ZFPM2: variants seen among roughly 807,000 people sequenced by gnomAD.
ZFPM2 encodes zinc finger protein ZFPM2.
ZFPM2 carries 20 observed loss-of-function variants against 98.6 expected under a neutral mutation model. That is an observed-to-expected ratio of 0.20 (90% CI 0.14 to 0.29). The LOEUF is 0.29. Ranked by LOEUF, ZFPM2 falls within the 10% of genes least tolerant of loss-of-function variation. ZFPM2 has a pLI of 1.00. For synonymous variants in ZFPM2, 518 were observed against 502.7 expected, an observed-to-expected ratio of 1.03 and a Z score of -0.41; for missense variants, 1,310 against 1,388.6, an observed-to-expected ratio of 0.94 and a Z score of 0.90.
intron 1 of ZFPM2, among the ~76,000 whole-genome samples, chr8:105,326,061 G>A (rs547098061): frequency 9.2e-5 from 14 of 151,630 alleles, no homozygotes; most frequent in South Asian, 2.1e-4. Context: ...CTATGTCTAC[G>A]GTGAGAGAGT....
chr8:105,764,600 G>A (rs1812816875), intron 5 of ZFPM2, among the ~76,000 whole-genome samples: 1 of 151,740 alleles, frequency 6.6e-6, no homozygotes, highest in African/African-American at 2.4e-5. Context: ...ATTCAAGAAT[G>A]TGAAAGGAGT....
chr8:105,793,385 C>A (rs2131151101), intron 6 of ZFPM2, among the ~76,000 whole-genome samples: 1 of 152,260 alleles, frequency 6.6e-6, no homozygotes, highest in South Asian at 2.1e-4. Context: ...GTTGAAAATT[C>A]TTTTCTTTAA....
At chr8:105,539,797 A>G (rs938216182) in intron 3 of ZFPM2, among the ~76,000 whole-genome samples, 3 of 152,196 alleles carry the variant, frequency 2.0e-5, no homozygotes, top group African/African-American at 7.2e-5. Flanking sequence ...CGTTTCACAA[A>G]TGTTAAATCC....
intron 5 of ZFPM2, among the ~76,000 whole-genome samples, chr8:105,709,661 T>C (rs1363272548): frequency 1.3e-5 from 2 of 152,180 alleles, no homozygotes; most frequent in Non-Finnish European, 2.9e-5. Flanking sequence ...GTCAGTGATA[T>C]TATCTTTGTA....
chr8:105,575,215 A>G (rs959520298), intron 4 of ZFPM2, among the ~76,000 whole-genome samples: 1 of 152,154 alleles, frequency 6.6e-6, no homozygotes, highest in African/African-American at 2.4e-5. Flanking sequence ...TTCATTAATC[A>G]AGTGGAGGCA....
Position 105,803,444 on chromosome 8 carries a change from G to T in ZFPM2, c.3362G>T (p.Cys1121Phe). The change falls in exon 8 of 8, where the codon TGC becomes TTC. Residue 1121 changes from cysteine (C) to phenylalanine (F), a missense_variant. Transcript: ENST00000407775. ...CAGGCTCCAACCAGTGGGAAATATT[G>T]CCGGCTATGTGATATCCAGTTCAAC... is the stretch of plus-strand genomic sequence containing the variant. Reference protein sequence around the residue: ...SSQAPTSGKYCRLCDIQFNNL... With the variant: ...SSQAPTSGKYFRLCDIQFNNL... 1 of 1,613,770 alleles carries T rather than the reference G, an allele frequency of 6.2e-7. No homozygotes were observed. Among genetic ancestry groups the T allele is most frequent in the Non-Finnish European group, 8.5e-7 (1 of 1,179,778 alleles).
At chr8:105,471,155 G>A (rs1026628688) in intron 3 of ZFPM2, among the ~76,000 whole-genome samples, 16 of 152,040 alleles carry the variant, frequency 1.1e-4, no homozygotes, top group Admixed American at 1.0e-3. Context: ...CTCTTGTTTG[G>A]CTGTTTCCAT....
intron 4 of ZFPM2, among the ~76,000 whole-genome samples, chr8:105,571,361 A>C (rs1303711630): frequency 6.6e-6 from 1 of 152,222 alleles, no homozygotes; most frequent in Admixed American, 6.5e-5. Flanking sequence ...CTAGTGAGGA[A>C]GTGGTTTGTA....
chr8:105,441,482 G>GAAAGAAAGAAAGAAAGAAAGAAAA (rs57419492), intron 2 of ZFPM2, among the ~76,000 whole-genome samples: 6,933 of 85,412 alleles, frequency 0.081, 1,105 homozygotes, highest in African/African-American at 0.096. Context: ...AAGAAAGAAA[G>GAAAGAAAGAAAGAAAGAAAGAAAA]AAAGAAAGAA....
intron 5 of ZFPM2, among the ~76,000 whole-genome samples, chr8:105,722,348 C>T (rs557573120): frequency 4.6e-5 from 7 of 151,826 alleles, no homozygotes; most frequent in East Asian, 3.9e-4. Flanking sequence ...ATTTATTTTT[C>T]GATTATTCCA....
intron 3 of ZFPM2, among the ~76,000 whole-genome samples, chr8:105,446,418 GGAGT>G (rs1245335086): frequency 6.6e-6 from 1 of 151,976 alleles, no homozygotes; most frequent in Non-Finnish European, 1.5e-5. Flanking sequence ...CAGTGACTTG[GGAGT>G]AAGTAAGCAA....
At chr8:105,488,077 C>T (rs1198744587) in intron 3 of ZFPM2, among the ~76,000 whole-genome samples, 3 of 152,002 alleles carry the variant, frequency 2.0e-5, no homozygotes, top group African/African-American at 7.2e-5. Context: ...GATCCCCCAC[C>T]ACAACAGTAC....
chr8:105,633,895 G>A (rs73293514), intron 4 of ZFPM2, among the ~76,000 whole-genome samples: 1,797 of 152,150 alleles, frequency 0.012, 28 homozygotes, highest in African/African-American at 0.041. Context: ...AAAGTACAAT[G>A]TGTCTAAAGT....
At chr8:105,550,289 T>C (rs1311803025) in intron 3 of ZFPM2, among the ~76,000 whole-genome samples, 3 of 152,146 alleles carry the variant, frequency 2.0e-5, no homozygotes, top group Admixed American at 2.0e-4. Context: ...TGGCAGCTAA[T>C]CTTATAAATG....
chr8:105,418,974 GTTTC>G, intron 1 of ZFPM2, among the ~76,000 whole-genome samples, 166 bp from the exon 2 acceptor site: 1 of 152,182 alleles, frequency 6.6e-6, no homozygotes, highest in East Asian at 1.9e-4. Context: ...ATAGGTCATT[GTTTC>G]TTGTATATAC....
chr8:105,765,547 A>G (rs1812836933), intron 5 of ZFPM2, among the ~76,000 whole-genome samples: 1 of 151,844 alleles, frequency 6.6e-6, no homozygotes, highest in South Asian at 2.1e-4. Flanking sequence ...TTGTATGAAT[A>G]TAGCCAAAGT....
At chr8:105,393,330 C>CTCTGTCTG (rs1554600660) in intron 1 of ZFPM2, among the ~76,000 whole-genome samples, 6 of 132,832 alleles carry the variant, frequency 4.5e-5, no homozygotes, top group African/African-American at 1.8e-4. Context: ...CCCTCTCTCT[C>CTCTGTCTG]TCTTTGCCTT....
intron 1 of ZFPM2, among the ~76,000 whole-genome samples, chr8:105,405,114 T>C (rs1172208193): frequency 6.6e-6 from 1 of 152,014 alleles, no homozygotes; most frequent in Non-Finnish European, 1.5e-5. Context: ...TAGGAAATAA[T>C]GCTATAGAAT....
intron 3 of ZFPM2, among the ~76,000 whole-genome samples, chr8:105,489,466 A>ATATATATATATATTTTTTT (rs1554610604): frequency 4.2e-5 from 5 of 119,776 alleles, no homozygotes; most frequent in African/African-American, 1.8e-4. Context: ...ATATATATAT[A>ATATATATATATATTTTTTT]TTTTTTTTTT....
Sources: allele counts gnomAD v4.1 joint callset (sites outside exome capture counted in the v4.1 genomes callset), GRCh38; gene constraint gnomAD v4.1.1; transcripts MANE v1.5; gene names NCBI Gene and HGNC (gene_info 2026-07-23, HGNC 2026-07-21).